GPBP1L1: variants seen among roughly 807,000 people sequenced by gnomAD.
GPBP1L1 encodes GC-rich promoter binding protein 1 like 1, also known as vasculin-like protein 1.
GPBP1L1 carries 23 observed loss-of-function variants against 52.5 expected under a neutral mutation model. The ratio of observed to expected loss-of-function variants is 0.44; its 90% CI spans 0.32 to 0.62. The LOEUF is 0.62. GPBP1L1 is among the 20% of genes least tolerant of loss of function. GPBP1L1 has a pLI of 0.06. For missense variants in GPBP1L1, 596 were observed against 579.3 expected (o/e 1.03, Z -0.30); for synonymous variants, 243 against 203.1 (o/e 1.20, Z -1.67).
chr1:45,635,186 G>C (rs1270118968), intron 8 of GPBP1L1: 2 of 152,158 alleles, frequency 1.3e-5, no homozygotes, highest in African/African-American at 4.8e-5. Context: ...ACTTTTAATA[G>C]AGGATGACAC....
chr1:45,682,580 CTTTGT>C (rs1645224092), intron 2 of GPBP1L1, among the ~76,000 whole-genome samples: 1 of 152,048 alleles, frequency 6.6e-6, no homozygotes. Context: ...CCGTAAAGTT[CTTTGT>C]TTTATGGTCA....
At position 45,668,811 on chromosome 1, in the gene GPBP1L1, A is replaced by G. The variant is rs560552086; in HGVS notation, c.-1097-7586T>C. On this transcript the variant is annotated intron_variant, in intron 2 of 12. Coordinates refer to ENST00000355105, the MANE Select transcript of GPBP1L1 (RefSeq NM_021639.5). The stretch of plus-strand genomic sequence containing the variant: ...AAAATAGGGAGACCCTGTATCTACA[A>G]AAAATTTAAAACTTAGCCAGGCATG... Among the ~76,000 whole-genome samples, 6 of 151,534 alleles carry G rather than the reference A, an allele frequency of 4.0e-5. No homozygotes were observed. In the South Asian group the frequency reaches 8.4e-4, roughly 21 times the overall value.
chr1:45,654,742 G>A lies in GPBP1L1; in HGVS notation c.278C>T (p.Pro93Leu). 6.2e-7 allele frequency: 1 copy of A among 1,614,148 alleles called. No homozygotes were observed. The highest frequency in any genetic ancestry group is 8.5e-7 in the Non-Finnish European group (1 of 1,180,018). The change falls in exon 6 of 13, where the codon CCA becomes CTA. Residue 93 changes from proline to leucine, a missense_variant. Physicochemically the swap from Pro to Leu is moderately conservative, Grantham distance 98 (BLOSUM62 -3). Coordinates refer to ENST00000355105, the MANE Select transcript of GPBP1L1 (RefSeq NM_021639.5). The stretch of plus-strand genomic sequence containing the variant: ...TCGGGAAGAGCTATGCCAACCAGAT[G>A]GGTTCCCTGTGATTCCAGCATATGC... Reference protein sequence around the residue: ...KGAYAGITGNPSGWHSSSRGH... With the variant: ...KGAYAGITGNLSGWHSSSRGH...
chr1:45,638,747 C>A (rs1644628844), intron 8 of GPBP1L1, among the ~76,000 whole-genome samples: 1 of 151,978 alleles, frequency 6.6e-6, no homozygotes, highest in African/African-American at 2.4e-5. Flanking sequence ...CGAGACCAGC[C>A]TGGGCAATAT....
chr1:45,659,136 C>T lies in GPBP1L1; in HGVS notation c.-49G>A. ...TAAGGTGAGGCATCCAACCTCATGG[C>T]CAGGATCTGAAAACAAAACAATTCA... On this transcript the variant is annotated 5_prime_UTR_variant, in exon 4 of 13. Coordinates refer to ENST00000355105, the MANE Select transcript of GPBP1L1 (RefSeq NM_021639.5). 6.3e-7 allele frequency: 1 copy of T among 1,592,512 alleles called. No homozygotes were observed. The highest frequency in any genetic ancestry group is 8.6e-7 in the Non-Finnish European group (1 of 1,161,772).
At chr1:45,676,736 A>T (rs1030221395) in intron 2 of GPBP1L1, among the ~76,000 whole-genome samples, 1 of 147,650 alleles carries the variant, frequency 6.8e-6, no homozygotes, top group Non-Finnish European at 1.5e-5. Flanking sequence ...AAAAAAAATT[A>T]GGCATGGTGG....
intron 6 of GPBP1L1, chr1:45,651,836 C>A: frequency 4.0e-6 from 1 of 246,942 alleles, no homozygotes; most frequent in Non-Finnish European, 7.7e-6. Context: ...TCTTGGGTGG[C>A]GGGAGGAGAA....
rs929208811 is a variant in GPBP1L1, at chr1:45,665,109, T to A, written c.-1097-3884A>T. Among the ~76,000 whole-genome samples, 4 of 152,094 alleles carry A rather than the reference T, an allele frequency of 2.6e-5. No individual in the cohort carries two copies. The East Asian group carries it at 7.9e-4, about 30-fold the overall frequency. On this transcript the variant is annotated intron_variant, in intron 2 of 12. Transcript: ENST00000355105. ...TTCGAGACCAGCCTGGCCAATATGG[T>A]GAAACCCCCGTCTCTACTATAAATA...
chr1:45,669,617 A>AC (rs952828078), intron 2 of GPBP1L1, among the ~76,000 whole-genome samples: 19 of 102,442 alleles, frequency 1.9e-4, no homozygotes, highest in South Asian at 2.9e-4. Context: ...TTTGGGTATG[A>AC]CCCCCCCTCC....
chr1:45,655,446 C>T, intron 4 of GPBP1L1, 127 bp from the exon 5 acceptor site: 1 of 1,036,260 alleles, frequency 9.7e-7, no homozygotes, highest in Non-Finnish European at 1.4e-6. Flanking sequence ...ATATTGTAAG[C>T]ATATGGACCC....
intron 2 of GPBP1L1, among the ~76,000 whole-genome samples, chr1:45,674,595 T>C (rs1466652421): frequency 6.6e-6 from 1 of 152,232 alleles, no homozygotes; most frequent in East Asian, 1.9e-4. Flanking sequence ...ATACTTTGAA[T>C]TGTGATCTTT....
intron 2 of GPBP1L1, among the ~76,000 whole-genome samples, chr1:45,674,564 G>C (rs1645116167): frequency 6.6e-6 from 1 of 152,194 alleles, no homozygotes; most frequent in Non-Finnish European, 1.5e-5. Flanking sequence ...TGTGAGGTGA[G>C]AAAGCAACTC....
chr1:45,648,810 T>G (rs1052620848), intron 6 of GPBP1L1, among the ~76,000 whole-genome samples: 1 of 152,182 alleles, frequency 6.6e-6, no homozygotes, highest in Non-Finnish European at 1.5e-5. Flanking sequence ...GGCGGATCAC[T>G]TGAGGTCAGG....
chr1:45,632,745 G>C (rs1323048829), intron 10 of GPBP1L1, among the ~76,000 whole-genome samples: 1 of 151,928 alleles, frequency 6.6e-6, no homozygotes, highest in African/African-American at 2.4e-5. Context: ...AGAATGAAGA[G>C]TCAAATCACA....
At chr1:45,663,850 C>A (rs796187479) in intron 2 of GPBP1L1, among the ~76,000 whole-genome samples, 34 of 152,244 alleles carry the variant, frequency 2.2e-4, no homozygotes, top group African/African-American at 7.5e-4. Flanking sequence ...TTAGTGATGT[C>A]TTTTAGGGCT....
At chr1:45,651,593 G>A (rs1384583272) in intron 6 of GPBP1L1, 8 of 659,572 alleles carry the variant, frequency 1.2e-5, no homozygotes, top group South Asian at 9.2e-5. Context: ...CTGGTTAATC[G>A]CAGGAGGCAT....
At chr1:45,652,205 G>T (rs1644827441) in intron 6 of GPBP1L1, among the ~76,000 whole-genome samples, 1 of 152,156 alleles carries the variant, frequency 6.6e-6, no homozygotes. Flanking sequence ...ATATCCCCCA[G>T]CGGGCAAACT....
rs1644482728 is a variant in GPBP1L1, at chr1:45,628,220, T to A, written c.*36A>T. 2 of 1,601,190 alleles carry A rather than the reference T, an allele frequency of 1.2e-6. No homozygotes were observed. The highest frequency in any genetic ancestry group is 4.5e-5 in the East Asian group (2 of 44,808). Reference sequence around the variant, plus strand: ...TGTATACTCCCTAAACACACAGAGTTTACTGGGTCAGATTTAACTGTGAGC... The same window carrying A: ...TGTATACTCCCTAAACACACAGAGTATACTGGGTCAGATTTAACTGTGAGC... On this transcript the variant is annotated 3_prime_UTR_variant, in exon 13 of 13. Transcript: ENST00000355105.
At chr1:45,635,140 T>C (rs1644578038) in intron 8 of GPBP1L1, 1 of 152,208 alleles carries the variant, frequency 6.6e-6, no homozygotes, top group East Asian at 1.9e-4. Context: ...TTTTATTTAA[T>C]TCTTAAACCA....
Sources: allele counts gnomAD v4.1 joint callset (sites outside exome capture counted in the v4.1 genomes callset), GRCh38; gene constraint gnomAD v4.1.1; transcripts MANE v1.5; gene names NCBI Gene and HGNC (gene_info 2026-07-23, HGNC 2026-07-21).